The following MCMBP variants were observed in gnomAD, a reference collection of about 807,000 sequenced individuals.
MCMBP encodes minichromosome maintenance complex binding protein, also known as mini-chromosome maintenance complex-binding protein.
A neutral mutation model predicts 81.3 loss-of-function variants in MCMBP; 31 were observed. The observed-to-expected ratio is 0.38, with a 90% CI of 0.29 to 0.51. The LOEUF is 0.51. Ranked by LOEUF, MCMBP falls within the 20% of genes least tolerant of loss-of-function variation. MCMBP has a pLI of 0.87. For missense variants in MCMBP, 645 were observed against 772.1 expected (o/e 0.84, Z 1.95); for synonymous variants, 267 against 275.9 (o/e 0.97, Z 0.32).
intron 6 of MCMBP, 58 bp from the exon 7 acceptor site, chr10:119,849,634 A>G: frequency 6.8e-7 from 1 of 1,466,774 alleles, no homozygotes; most frequent in East Asian, 2.5e-5. Context: ...GGAGAAAAAG[A>G]ACATTCCATA....
chr10:119,843,188 C>T, intron 9 of MCMBP, 66 bp downstream of exon 9: 1 of 1,572,238 alleles, frequency 6.4e-7, no homozygotes, highest in East Asian at 2.2e-5. Flanking sequence ...GAGCACGTTA[C>T]AGGCAGCTCT....
At chr10:119,847,958 C>G (rs991941471) in intron 7 of MCMBP, among the ~76,000 whole-genome samples, 2 of 143,226 alleles carry the variant, frequency 1.4e-5, no homozygotes, top group African/African-American at 5.1e-5. Flanking sequence ...CACAGTACTA[C>G]AAAAAAAAAA....
At chr10:119,855,921 AC>A (rs142113657) in intron 5 of MCMBP, among the ~76,000 whole-genome samples, 6,151 of 152,274 alleles carry the variant, frequency 0.04, 177 homozygotes, top group South Asian at 0.068. Flanking sequence ...ACAATTTATC[AC>A]AACTGACTCA....
chr10:119,850,584 C>T (rs1490163620), intron 6 of MCMBP, among the ~76,000 whole-genome samples: 1 of 151,718 alleles, frequency 6.6e-6, no homozygotes, highest in Non-Finnish European at 1.5e-5. Context: ...CCCGTCTCTA[C>T]TAAAAATACA....
chr10:119,830,025 A>T lies in MCMBP; in HGVS notation c.*1449T>A, dbSNP rs1851948296. 6.5e-6 allele frequency: 1 copy of T among 152,678 alleles called. No homozygotes were observed. Among genetic ancestry groups the T allele is most frequent in the South Asian group, 2.1e-4 (1 of 4,836 alleles). The allele number at this position is 152,678 out of a possible 1,614,324, so 9.5% of individuals were successfully genotyped here. ...AAGTTTAAGGAAGGTCTAGTCTACC[A>T]GTTATAAAAATGAAAACCAGTTCAA... On this transcript the variant is annotated 3_prime_UTR_variant, in exon 16 of 16. Transcript: ENST00000369077.
chr10:119,860,902 G>T (rs1445618426), intron 1 of MCMBP, among the ~76,000 whole-genome samples: 1 of 152,174 alleles, frequency 6.6e-6, no homozygotes, highest in Non-Finnish European at 1.5e-5. Context: ...CTTCATTGGT[G>T]ATGTTAATTT....
chr10:119,868,412 C>G (rs760781982), intron 1 of MCMBP, among the ~76,000 whole-genome samples: 1 of 152,134 alleles, frequency 6.6e-6, no homozygotes, highest in Non-Finnish European at 1.5e-5. Context: ...GGCAACAGAG[C>G]AAGACACTGA....
intron 1 of MCMBP, among the ~76,000 whole-genome samples, chr10:119,871,101 T>C (rs1037575784): frequency 6.6e-6 from 1 of 152,170 alleles, no homozygotes; most frequent in African/African-American, 2.4e-5. Flanking sequence ...CTAATATTAG[T>C]AACTGAAATT....
At chr10:119,868,904 G>T (rs1853565943) in intron 1 of MCMBP, among the ~76,000 whole-genome samples, 1 of 152,206 alleles carries the variant, frequency 6.6e-6, no homozygotes, top group African/African-American at 2.4e-5. Context: ...GGCTGGGATG[G>T]AGTATGAGGA....
chr10:119,849,389 ACATTTCAGTGTTGGAT>A lies in MCMBP; in HGVS notation c.726+20_726+35del. 1.3e-6 allele frequency: 2 copies of A among 1,589,176 alleles called. No individual in the cohort carries two copies. Among genetic ancestry groups the A allele is most frequent in the Non-Finnish European group, 1.7e-6 (2 of 1,170,932 alleles). On this transcript the variant is annotated intron_variant, in intron 7 of 15. Transcript: ENST00000369077. ...ACTAAGCTACTTTCTGAGACACATAACATTTCAGTGTTGGATCTACGAAAGGTTTTATTACCTTCAC... is the reference window on the plus strand; with the variant it reads ...ACTAAGCTACTTTCTGAGACACATAACTACGAAAGGTTTTATTACCTTCAC...
chr10:119,851,412 C>T (rs1852820219), intron 6 of MCMBP, among the ~76,000 whole-genome samples: 1 of 152,120 alleles, frequency 6.6e-6, no homozygotes, highest in African/African-American at 2.4e-5. Flanking sequence ...AATACACACT[C>T]GAATATATTA....
At position 119,829,742 on chromosome 10, in the gene MCMBP, G is replaced by A. The variant is rs150170679; in HGVS notation, c.*1732C>T. 2 of 152,222 alleles carry A rather than the reference G, an allele frequency of 1.3e-5. No individual in the cohort carries two copies. The highest frequency in any genetic ancestry group is 3.9e-4 in the East Asian group (2 of 5,186). The allele number at this position is 152,222 out of a possible 1,614,324, so 9.4% of individuals were successfully genotyped here. ...AGAGGACATGGTCTTTTTCCACACA[G>A]ATCACATGGGATGGTGAATCTTCTT... is the stretch of plus-strand genomic sequence containing the variant. On this transcript the variant is annotated 3_prime_UTR_variant, in exon 16 of 16. Coordinates refer to ENST00000369077, the MANE Select transcript of MCMBP (RefSeq NM_001256378.2).
In MCMBP at chr10:119,831,551, G is replaced by A; in HGVS notation, c.1846C>T (p.Leu616=). ...GQTTLSRERW[L]RAKQLESLRR... ...AAAGACTCTAGCTGCTTTGCTCTCA[G>A]CCATCGTTCTCTTGACAGCGTTGTC... Residue 616 remains leucine, a synonymous_variant, in exon 16 of 16, where the codon CTG becomes TTG. Transcript: ENST00000369077. 6.2e-7 allele frequency: 1 copy of A among 1,614,004 alleles called. No individual in the cohort carries two copies. Among genetic ancestry groups the A allele is most frequent in the Non-Finnish European group, 8.5e-7 (1 of 1,179,926 alleles).
Position 119,859,172 on chromosome 10 carries a change from G to A in MCMBP, c.154C>T (p.Leu52=), listed in dbSNP as rs1321908320. 1 of 1,612,590 alleles carries A rather than the reference G, an allele frequency of 6.2e-7. No homozygotes were observed. The highest frequency in any genetic ancestry group is 8.5e-7 in the Non-Finnish European group (1 of 1,179,632). The change falls in exon 3 of 16, where the codon CTG becomes TTG. Residue 52 remains leucine (L), a synonymous_variant. Coordinates refer to ENST00000369077, the MANE Select transcript of MCMBP (RefSeq NM_001256378.2). ...ENNAPKWVPS[L]NEVPLHYLKP... ...AAATAATGAAGGGGAACTTCGTTCA[G>A]TGATGGTACCTTAAAGGAAAATAAT... is the stretch of plus-strand genomic sequence containing the variant.
chr10:119,863,766 A>G (rs1402743100), intron 1 of MCMBP, among the ~76,000 whole-genome samples: 11 of 123,204 alleles, frequency 8.9e-5, no homozygotes, highest in Admixed American at 1.8e-4. Context: ...AAAAAAAAAA[A>G]GCAACGAAGA....
intron 14 of MCMBP, among the ~76,000 whole-genome samples, chr10:119,835,234 T>C (rs1852197989): frequency 6.6e-6 from 1 of 152,160 alleles, no homozygotes; most frequent in Admixed American, 6.5e-5. Context: ...CACAAATTTT[T>C]TTTAAATTAA....
At position 119,832,058 on chromosome 10, in the gene MCMBP, G is replaced by C. The variant is rs1852066427; in HGVS notation, c.1750C>G (p.Gln584Glu). The change falls in exon 15 of 16, where the codon CAG becomes GAG. Residue 584 changes from glutamine (Q) to glutamate (E), a missense_variant. Physicochemically the swap from Gln to Glu is conservative, Grantham distance 29. Transcript: ENST00000369077. The part of the protein sequence containing the change: ...DFVEMRKNDP[Q>E]SITADDLHQL... ...TGAAGATCATCAGCAGTGATGCTCT[G>C]AGGGTCGTTCTTCCGCATTTCCACA... 22 of 1,613,420 alleles carry C rather than the reference G, an allele frequency of 1.4e-5. No individual in the cohort carries two copies. The highest frequency in any genetic ancestry group is 1.9e-5 in the Non-Finnish European group (22 of 1,179,808).
At chr10:119,857,130 A>G (rs1052182376) in intron 5 of MCMBP, among the ~76,000 whole-genome samples, 1 of 151,796 alleles carries the variant, frequency 6.6e-6, no homozygotes, top group African/African-American at 2.4e-5. Context: ...AATTACTTCA[A>G]TCATTTTAAC....
At chr10:119,848,641 C>CA (rs1176668265) in intron 7 of MCMBP, among the ~76,000 whole-genome samples, 3 of 151,892 alleles carry the variant, frequency 2.0e-5, no homozygotes, top group African/African-American at 4.8e-5. Flanking sequence ...CCCCCAAAAA[C>CA]AAAAAAACCC....
Sources: gnomAD v4.1 joint callset for allele counts (sites outside exome capture counted in the v4.1 genomes callset) on GRCh38, gnomAD v4.1.1 for gene constraint, MANE v1.5 for transcripts, NCBI Gene and HGNC (gene_info 2026-07-23, HGNC 2026-07-21) for gene names.